The following POTEE variants were observed in gnomAD, a reference collection of about 807,000 sequenced individuals.
POTEE encodes the protein ANKRD26-like family C member 1A.
A neutral mutation model predicts 74.2 loss-of-function variants in POTEE; 21 were observed. That is an observed-to-expected ratio of 0.28 (90% confidence interval 0.20 to 0.41). The LOEUF (loss-of-function observed/expected upper bound fraction) is 0.41, where lower values mean the gene tolerates loss of function less well. Among genes scored for constraint, POTEE ranks in the 10% least tolerant of loss-of-function variants. The pLI is 1.00. For missense variants in POTEE, 525 were observed against 1,158.6 expected (o/e 0.45, Z 7.94); for synonymous variants, 211 against 432.8 (o/e 0.49, Z 6.36).
chr2:131,237,577 A>G (rs1358037986), intron 10 of POTEE, among the ~76,000 whole-genome samples: 3 of 151,646 alleles, frequency 2.0e-5, no homozygotes, highest in Non-Finnish European at 4.4e-5. Context: ...ATTAGAATAT[A>G]TTAGAACTGG....
intron 9 of POTEE, among the ~76,000 whole-genome samples, chr2:131,231,870 C>G (rs1235363198): frequency 6.6e-6 from 1 of 152,072 alleles, no homozygotes; most frequent in Admixed American, 6.5e-5. Context: ...ATGAGGACAC[C>G]TTTAATTTAG....
At chr2:131,231,004 G>A in intron 9 of POTEE, 98 bp downstream of exon 9, 1 of 1,224,732 alleles carries the variant, frequency 8.2e-7, no homozygotes, top group East Asian at 2.5e-5. Context: ...ATGGGCTGGG[G>A]GAGGGTGGGG....
Position 131,263,873 on chromosome 2 carries a change from C to T in POTEE, c.2418C>T (p.Thr806=), listed in dbSNP as rs373046417. The change falls in exon 18 of 18, where the codon ACC becomes ACT. Residue 806 remains threonine (T), a synonymous_variant. Coordinates refer to ENST00000683005, the MANE Select transcript of POTEE (RefSeq NM_001083538.3). ...VAPEEHPILL[T]EAPLNPKANR... The stretch of plus-strand genomic sequence containing the variant: ...CCGAGGAGCACCCCATCCTGCTGAC[C>T]GAGGCCCCCCTGAACCCCAAGGCCA... 2.1e-4 allele frequency: 340 copies of T among 1,614,002 alleles called. 2 individuals carry two copies. The highest frequency in any genetic ancestry group is 2.7e-4 in the Non-Finnish European group (318 of 1,179,982).
intron 3 of POTEE, chr2:131,218,087 C>T: frequency 6.2e-6 from 3 of 482,408 alleles, no homozygotes; most frequent in Admixed American, 3.6e-5. Flanking sequence ...GACCTTTTCT[C>T]TGCTGGGTTT....
intron 17 of POTEE, among the ~76,000 whole-genome samples, chr2:131,263,040 CT>C: frequency 6.7e-6 from 1 of 148,774 alleles, no homozygotes; most frequent in South Asian, 2.2e-4. Context: ...CAGAAAAAGG[CT>C]TTTTTAATTC....
At chr2:131,218,012 G>T (rs2105064382) in intron 3 of POTEE, 1 of 295,870 alleles carries the variant, frequency 3.4e-6, no homozygotes, top group African/African-American at 2.3e-5. Context: ...CTTGGCGTTG[G>T]TAGCTTGGAT....
At chr2:131,262,970 T>C (rs1366476348) in intron 17 of POTEE, among the ~76,000 whole-genome samples, 1 of 152,032 alleles carries the variant, frequency 6.6e-6, no homozygotes, top group Non-Finnish European at 1.5e-5. Context: ...GTAAACCTAA[T>C]CTTAAAAATG....
intron 10 of POTEE, among the ~76,000 whole-genome samples, 164 bp from the exon 11 acceptor site, chr2:131,238,030 T>G (rs1375661224): frequency 2.5e-4 from 38 of 150,432 alleles, no homozygotes; most frequent in African/African-American, 8.7e-4. Flanking sequence ...TAATTTTAAT[T>G]ATTATTTATT....
chr2:131,222,606 C>T (rs552652756), intron 4 of POTEE, among the ~76,000 whole-genome samples: 147 of 151,978 alleles, frequency 9.7e-4, no homozygotes, highest in African/African-American at 3.3e-3. Flanking sequence ...TTCATAAATC[C>T]GTTTTAAAAG....
Position 131,263,497 on chromosome 2 carries a change from A to G in POTEE, c.2042A>G (p.Glu681Gly), listed in dbSNP as rs1320417936. The G allele has an allele frequency of 6.2e-7, 1 of 1,611,806 alleles. No homozygotes were observed. Among genetic ancestry groups the G allele is most frequent in the South Asian group, 1.1e-5 (1 of 90,960 alleles). The part of the protein sequence containing the change: ...LREKKYLEDI[E>G]SVKKKNDNLL... ...GAAAAGAAATATTTGGAGGATATTG[A>G]AAGTGTGAAAAAAAAGAATGATAAT... The change falls in exon 18 of 18, where the codon GAA (glutamate) becomes GGA (glycine). Residue 681 changes from glutamate (E) to glycine (G), a missense_variant. Physicochemically the swap from Glu to Gly is moderately conservative, Grantham distance 98. Coordinates refer to ENST00000683005, the MANE Select transcript of POTEE (RefSeq NM_001083538.3).
chr2:131,230,579 T>A (rs1700921766), intron 8 of POTEE, among the ~76,000 whole-genome samples: 2 of 152,184 alleles, frequency 1.3e-5, no homozygotes, highest in Non-Finnish European at 2.9e-5. Flanking sequence ...CACTTTCTAT[T>A]ATGTCATGCT....
chr2:131,219,897 A>T (rs1573699025), intron 4 of POTEE, among the ~76,000 whole-genome samples: 1 of 152,158 alleles, frequency 6.6e-6, no homozygotes, highest in Non-Finnish European at 1.5e-5. Context: ...GCTTTTCCAG[A>T]TATCAAAATG....
At chr2:131,220,622 T>C (rs1190755112) in intron 4 of POTEE, among the ~76,000 whole-genome samples, 4 of 152,008 alleles carry the variant, frequency 2.6e-5, no homozygotes, top group Non-Finnish European at 5.9e-5. Flanking sequence ...GAAGAAGGAA[T>C]GTAAGTTAGA....
chr2:131,217,767 G>GC (rs1346236687), intron 3 of POTEE, among the ~76,000 whole-genome samples, 84 bp downstream of exon 3: 78 of 12,616 alleles, frequency 6.2e-3, no homozygotes, highest in East Asian at 9.2e-3. Flanking sequence ...CACGCCGCAC[G>GC]CGCACGCCGC....
chr2:131,220,960 C>CAAAAAA (rs368618556), intron 4 of POTEE, among the ~76,000 whole-genome samples: 1 of 116,956 alleles, frequency 8.6e-6, no homozygotes. Context: ...GACTCCATCT[C>CAAAAAA]AAAAAAAAAA....
In POTEE at chr2:131,221,192, T is replaced by G. The variant is rs567442206; in HGVS notation, c.521+2269T>G. Among the ~76,000 whole-genome samples, 26 of 152,254 alleles carry G rather than the reference T, an allele frequency of 1.7e-4. No individual in the cohort carries two copies. In the East Asian group the frequency reaches 5.0e-3, roughly 29 times the overall value. On this transcript the variant is annotated intron_variant, in intron 4 of 17. Coordinates refer to ENST00000683005, the MANE Select transcript of POTEE (RefSeq NM_001083538.3). Reference sequence around the variant, plus strand: ...AAATAGATGTCTGTTTTTCTTAGTATTGATTAAAATAGCAGTGTATTTAGA... The same window carrying G: ...AAATAGATGTCTGTTTTTCTTAGTAGTGATTAAAATAGCAGTGTATTTAGA...
At chr2:131,212,925 C>G (rs1257790599) in intron 2 of POTEE, among the ~76,000 whole-genome samples, 1 of 150,626 alleles carries the variant, frequency 6.6e-6, no homozygotes, top group Non-Finnish European at 1.5e-5. Flanking sequence ...ATCACCACCT[C>G]TTTGCAAGAG....
At chr2:131,212,192 ATAAT>A (rs1489820284) in intron 2 of POTEE, among the ~76,000 whole-genome samples, 1 of 152,012 alleles carries the variant, frequency 6.6e-6, no homozygotes, top group African/African-American at 2.4e-5. Context: ...AATCAGTTGT[ATAAT>A]TAGTTACTTG....
chr2:131,224,163 G>A lies in POTEE; in HGVS notation c.810+120G>A, dbSNP rs1275878228. Reference sequence around the variant, plus strand: ...AGCATAACCTGAATGAAAATATTTTGAAATGACCTAATTATCTAAGACTTC... The same window carrying A: ...AGCATAACCTGAATGAAAATATTTTAAAATGACCTAATTATCTAAGACTTC... On this transcript the variant is annotated intron_variant, in intron 6 of 17. Transcript: ENST00000683005. The A allele has an allele frequency of 3.5e-6, 5 of 1,409,854 alleles. No homozygotes were observed. In the Admixed American group the frequency reaches 1.2e-4, roughly 35 times the overall value. The allele number at this position is 1,409,854 out of a possible 1,614,324, so 87.3% of individuals were successfully genotyped here.
Sources: allele counts gnomAD v4.1 joint callset (sites outside exome capture counted in the v4.1 genomes callset), GRCh38; gene constraint gnomAD v4.1.1; transcripts MANE v1.5; gene names NCBI Gene and HGNC (gene_info 2026-07-23, HGNC 2026-07-21).